The following ZNF267 variants were observed in gnomAD, a reference collection of about 807,000 sequenced individuals.
ZNF267 encodes the protein zinc finger protein 267, also known as zinc finger (C2H2).
In ZNF267, 61 loss-of-function variants were observed where a neutral mutation model predicts 71.6. That is an observed-to-expected ratio of 0.85 (90% confidence interval 0.69 to 1.05). The LOEUF (loss-of-function observed/expected upper bound fraction) is 1.05. Ranked by LOEUF, ZNF267 falls within the 50% of genes least tolerant of loss-of-function variation. The pLI is 0.00. For missense variants in ZNF267, 852 were observed against 870.0 expected, an observed-to-expected ratio of 0.98 and a Z score of 0.26; for synonymous variants, 288 against 293.2, an observed-to-expected ratio of 0.98 and a Z score of 0.18.
intron 1 of ZNF267, among the ~76,000 whole-genome samples, chr16:31,881,000 C>T (rs1457220691): frequency 2.0e-5 from 3 of 152,134 alleles, no homozygotes; most frequent in African/African-American, 7.2e-5. Context: ...GGACACTGCC[C>T]TTATGTTGAC....
chr16:31,896,165 C>T (rs2083996815), intron 3 of ZNF267, among the ~76,000 whole-genome samples: 1 of 108,556 alleles, frequency 9.2e-6, no homozygotes, highest in African/African-American at 2.9e-5. Context: ...CACGTGCCAC[C>T]ACACCCAGCT....
chr16:31,916,143 T>C lies in ZNF267; in HGVS notation c.1894T>C (p.Tyr632His). 1.9e-6 allele frequency: 3 copies of C among 1,614,194 alleles called. No individual in the cohort carries two copies. Among genetic ancestry groups the C allele is most frequent in the Non-Finnish European group, 2.5e-6 (3 of 1,180,018 alleles). ...GAGAATTCATACTGGCCAGAGACCC[T>C]ACAAATGTGAAGAATGTGGCAAAGC... Reference protein sequence around the residue: ...HRRIHTGQRPYKCEECGKAFN... With the variant: ...HRRIHTGQRPHKCEECGKAFN... Residue 632 changes from tyrosine to histidine, a missense_variant, in exon 4 of 4, where the codon TAC (tyrosine) becomes CAC (histidine). Tyr to His is a moderately conservative substitution (Grantham distance 83, BLOSUM62 2). Coordinates refer to ENST00000300870, the MANE Select transcript of ZNF267 (RefSeq NM_003414.6).
rs2084181115 is a variant in ZNF267 at position 31,916,688 on chromosome 16, A to G, written c.*207A>G. 1 of 583,348 alleles carries G rather than the reference A, an allele frequency of 1.7e-6. No individual in the cohort carries two copies. The highest frequency in any genetic ancestry group is 2.9e-5 in the East Asian group (1 of 34,084). The allele number at this position is 583,348 out of a possible 1,614,324, so 36.1% of individuals were successfully genotyped here. ...GGCAAATTATTTTAAACTGTGCTCA[A>G]CCCTTACTCAAGATAATCCATACTA... On this transcript the variant is annotated 3_prime_UTR_variant, in exon 4 of 4. Coordinates refer to ENST00000300870, the MANE Select transcript of ZNF267 (RefSeq NM_003414.6).
At chr16:31,885,054 T>C in intron 2 of ZNF267, 107 bp from the exon 3 acceptor site, 1 of 814,222 alleles carries the variant, frequency 1.2e-6, no homozygotes, top group Non-Finnish European at 1.8e-6. Flanking sequence ...CTGAGCACAG[T>C]ACTAAGTTAG....
chr16:31,884,797 C>T (rs543322091), intron 2 of ZNF267, among the ~76,000 whole-genome samples, 173 bp downstream of exon 2: 11 of 152,224 alleles, frequency 7.2e-5, no homozygotes, highest in South Asian at 2.1e-4. Flanking sequence ...TTTTGACATT[C>T]GCCTTTTTAT....
In ZNF267 at chr16:31,914,954, G is replaced by A. The variant is rs2084162287; in HGVS notation, c.705G>A (p.Gln235=). 6.2e-7 allele frequency: 1 copy of A among 1,608,974 alleles called. No individual in the cohort carries two copies. Among genetic ancestry groups the A allele is most frequent in the Admixed American group, 1.7e-5 (1 of 59,008 alleles). The change falls in exon 4 of 4, where the codon CAG becomes CAA. Residue 235 remains glutamine, a synonymous_variant. Coordinates refer to ENST00000300870, the MANE Select transcript of ZNF267 (RefSeq NM_003414.6). ...LNQSSSPKNH[Q]ENYFLEKQYK... The stretch of plus-strand genomic sequence containing the variant: ...AAAGCTCAAGCCCTAAAAATCATCA[G>A]GAAAATTATTTTCTAGAAAAACAAT...
chr16:31,875,099 G>A (rs886348937), intron 1 of ZNF267: 7 of 1,287,062 alleles, frequency 5.4e-6, no homozygotes, highest in Non-Finnish European at 7.1e-6. Flanking sequence ...GCACAGACAC[G>A]TTATCGGAAA....
At chr16:31,889,979 T>C (rs2083949021) in intron 3 of ZNF267, among the ~76,000 whole-genome samples, 1 of 152,224 alleles carries the variant, frequency 6.6e-6, no homozygotes, top group Non-Finnish European at 1.5e-5. Flanking sequence ...TACACCATTA[T>C]GATAAAAAAC....
chr16:31,904,414 G>T (rs896648304), intron 3 of ZNF267, among the ~76,000 whole-genome samples: 2 of 152,188 alleles, frequency 1.3e-5, no homozygotes, highest in African/African-American at 2.4e-5. Flanking sequence ...TTATTGTGTG[G>T]GAGTCTAAGT....
intron 1 of ZNF267, among the ~76,000 whole-genome samples, chr16:31,880,878 A>G (rs1160312102): frequency 6.6e-6 from 1 of 152,220 alleles, no homozygotes; most frequent in Non-Finnish European, 1.5e-5. Context: ...CAGCAGCCAT[A>G]GTCCCTACCA....
intron 3 of ZNF267, chr16:31,913,713 C>A: frequency 6.6e-6 from 1 of 152,598 alleles, no homozygotes. Flanking sequence ...AGGAGCCTCA[C>A]AATGTGTCTG....
intron 3 of ZNF267, among the ~76,000 whole-genome samples, chr16:31,890,701 T>C (rs2083954374): frequency 6.6e-6 from 1 of 152,246 alleles, no homozygotes; most frequent in Non-Finnish European, 1.5e-5. Flanking sequence ...GCCTTTTTGC[T>C]GCATAGTAAC....
rs753292216 is a variant in ZNF267, at chr16:31,915,420, C to T, written c.1171C>T (p.Arg391Cys). The T allele has an allele frequency of 2.2e-5, 35 of 1,613,498 alleles. No individual in the cohort carries two copies. Among genetic ancestry groups the T allele is most frequent in the South Asian group, 5.5e-5 (5 of 90,992 alleles). Residue 391 changes from arginine to cysteine, a missense_variant, in exon 4 of 4, where the codon CGT (arginine) becomes TGT (cysteine). Arg to Cys is a radical substitution (Grantham distance 180). Transcript: ENST00000300870. ...KCKACSKSFT[R>C]SSNLIVHQRI... Reference sequence around the variant, plus strand: ...TAAAGCATGTAGCAAATCTTTTACTCGTTCCTCCAATCTTATTGTGCATCA... The same window carrying T: ...TAAAGCATGTAGCAAATCTTTTACTTGTTCCTCCAATCTTATTGTGCATCA...
intron 3 of ZNF267, among the ~76,000 whole-genome samples, chr16:31,895,302 C>A (rs2083990259): frequency 6.6e-6 from 1 of 152,148 alleles, no homozygotes; most frequent in Non-Finnish European, 1.5e-5. Flanking sequence ...GGATTTTATT[C>A]TTTTTTAATG....
At chr16:31,907,281 T>A (rs2084098963) in intron 3 of ZNF267, among the ~76,000 whole-genome samples, 1 of 152,188 alleles carries the variant, frequency 6.6e-6, no homozygotes, top group South Asian at 2.1e-4. Context: ...ATAAATTTTC[T>A]GCTCTTTTTC....
At position 31,895,655 on chromosome 16, in the gene ZNF267, T is replaced by G. The variant is rs975012240; in HGVS notation, c.226+10399T>G. Among the ~76,000 whole-genome samples, 3 of 152,214 alleles carry G rather than the reference T, an allele frequency of 2.0e-5. No individual in the cohort carries two copies. The South Asian group carries it at 6.2e-4, about 31-fold the overall frequency. On this transcript the variant is annotated intron_variant, in intron 3 of 3. Transcript: ENST00000300870. The stretch of plus-strand genomic sequence containing the variant: ...TTTTTGTTATTATGTTTTGTCTTTT[T>G]GATTATACCCATTGAAACTGGAGTG...
chr16:31,911,663 G>C (rs1283447455), intron 3 of ZNF267, among the ~76,000 whole-genome samples: 1 of 150,360 alleles, frequency 6.7e-6, no homozygotes, highest in Non-Finnish European at 1.5e-5. Context: ...TTTCCATTCA[G>C]CATTATTATT....
intron 3 of ZNF267, among the ~76,000 whole-genome samples, chr16:31,888,560 T>C (rs754564516): frequency 2.0e-5 from 3 of 152,100 alleles, no homozygotes; most frequent in Admixed American, 6.6e-5. Flanking sequence ...GTTATAGGCT[T>C]TTAATAAATT....
rs7196444 is a variant in ZNF267 at position 31,879,776 on chromosome 16, C to T, written c.4-4722C>T. 5.8e-3 allele frequency among the ~76,000 whole-genome samples: 878 copies of T among 152,318 alleles called. 13 individuals are homozygous for T. The highest frequency in any genetic ancestry group is 0.02 in the African/African-American group (838 of 41,564). ...TGTCTTTCCATGCCCCTGGCATCTT[C>T]AGACCTGAAACTGATTCAGAGACCA... On this transcript the variant is annotated intron_variant, in intron 1 of 3. Coordinates refer to ENST00000300870, the MANE Select transcript of ZNF267 (RefSeq NM_003414.6).
Sources: gnomAD v4.1 joint callset for allele counts (sites outside exome capture counted in the v4.1 genomes callset) on GRCh38, gnomAD v4.1.1 for gene constraint, MANE v1.5 for transcripts, NCBI Gene and HGNC (gene_info 2026-07-23, HGNC 2026-07-21) for gene names.